NELFA: variants seen among roughly 807,000 people sequenced by gnomAD.
NELFA encodes the protein negative elongation factor complex member A.
In NELFA, 35 loss-of-function variants were observed where a neutral mutation model predicts 51.8. The observed-to-expected ratio is 0.68, with a 90% CI of 0.52 to 0.90. The LOEUF is 0.90. Ranked by LOEUF, NELFA falls within the 40% of genes least tolerant of loss-of-function variation. NELFA has a pLI of 0.00. For synonymous variants in NELFA, 417 were observed against 338.4 expected, an observed-to-expected ratio of 1.23 and a Z score of -2.55; for missense variants, 658 against 746.4, an observed-to-expected ratio of 0.88 and a Z score of 1.38.
chr4:1,990,429 G>T (rs1474696048), intron 2 of NELFA: 7 of 456,636 alleles, frequency 1.5e-5, no homozygotes, highest in African/African-American at 1.4e-4. Context: ...TGGAGAAAAA[G>T]CACAGGCAGG....
At chr4:1,993,140 C>G (rs1728324115) in intron 1 of NELFA, among the ~76,000 whole-genome samples, 1 of 152,212 alleles carries the variant, frequency 6.6e-6, no homozygotes, top group African/African-American at 2.4e-5. Flanking sequence ...AAGAGGCAAG[C>G]GCGCGGCATT....
At chr4:1,984,485 C>T (rs1345229057) in intron 8 of NELFA, among the ~76,000 whole-genome samples, 1 of 152,174 alleles carries the variant, frequency 6.6e-6, no homozygotes, top group Non-Finnish European at 1.5e-5. Flanking sequence ...GGGGATGGCT[C>T]TCAGCTCCCC....
chr4:2,006,077 G>A (rs147944799), intron 1 of NELFA, among the ~76,000 whole-genome samples: 6 of 152,308 alleles, frequency 3.9e-5, no homozygotes, highest in East Asian at 1.9e-4. Flanking sequence ...GGTTTGCTCC[G>A]TCCGCTAACA....
At chr4:2,007,585 G>A (rs1322775051) in intron 1 of NELFA, among the ~76,000 whole-genome samples, 1 of 152,124 alleles carries the variant, frequency 6.6e-6, no homozygotes, top group Non-Finnish European at 1.5e-5. Context: ...TGCCATTTAG[G>A]GGTGCATAAA....
intron 1 of NELFA, chr4:1,991,946 C>T: frequency 2.1e-6 from 1 of 469,034 alleles, no homozygotes; most frequent in South Asian, 3.0e-5. Context: ...CATCCGGTGC[C>T]CTCCCAGCAG....
chr4:2,008,275 G>A (rs1304859688), intron 1 of NELFA, among the ~76,000 whole-genome samples: 3 of 149,866 alleles, frequency 2.0e-5, no homozygotes, highest in African/African-American at 7.3e-5. Context: ...GGTGAGGACC[G>A]AAGGCGGGGG....
intron 1 of NELFA, among the ~76,000 whole-genome samples, chr4:1,995,213 T>G (rs1728390387): frequency 6.6e-6 from 1 of 152,246 alleles, no homozygotes; most frequent in African/African-American, 2.4e-5. Context: ...AGACTCTGGC[T>G]GAAACATCAG....
Position 1,983,266 on chromosome 4 carries a change from G to C in NELFA, c.*53C>G. On this transcript the variant is annotated 3_prime_UTR_variant, in exon 11 of 11. Transcript: ENST00000382882. ...CATCCGGTTACTTTAAGCTGGCAAAGCCATCGTCCCGTGGACCCCCACAAG... is the reference window on the plus strand; with the variant it reads ...CATCCGGTTACTTTAAGCTGGCAAACCCATCGTCCCGTGGACCCCCACAAG... 6.4e-7 allele frequency: 1 copy of C among 1,555,646 alleles called. No individual in the cohort carries two copies. Among genetic ancestry groups the C allele is most frequent in the East Asian group, 2.3e-5 (1 of 43,950 alleles).
intron 4 of NELFA, 116 bp from the exon 5 acceptor site, chr4:1,986,518 C>A: frequency 2.0e-6 from 3 of 1,520,932 alleles, no homozygotes; most frequent in East Asian, 2.4e-5. Flanking sequence ...AAGGGCCAAA[C>A]CCCTGGCGGG....
intron 1 of NELFA, chr4:1,992,570 C>T (rs989876937): frequency 1.6e-5 from 5 of 320,600 alleles, no homozygotes; most frequent in Admixed American, 4.0e-5. Context: ...GGGTGAACAA[C>T]AGCGCCCTGC....
intron 1 of NELFA, chr4:2,007,824 A>G (rs1416871392): frequency 8.2e-6 from 3 of 364,540 alleles, no homozygotes; most frequent in African/African-American, 2.1e-5. Flanking sequence ...AAAAGCAATT[A>G]CAACCTATAA....
intron 8 of NELFA, among the ~76,000 whole-genome samples, chr4:1,984,589 G>A (rs1411675923): frequency 6.6e-6 from 1 of 152,242 alleles, no homozygotes; most frequent in African/African-American, 2.4e-5. Flanking sequence ...GCCGCTGCCT[G>A]TCTGTGCCCA....
chr4:1,998,702 A>C lies in NELFA; in HGVS notation c.211-6987T>G, dbSNP rs181367953. Among the ~76,000 whole-genome samples the C allele has an allele frequency of 3.0e-3, 461 of 152,314 alleles. 3 individuals carry two copies. The highest frequency in any genetic ancestry group is 5.2e-3 in the Non-Finnish European group (357 of 68,032). On this transcript the variant is annotated intron_variant, in intron 1 of 10. Coordinates refer to ENST00000382882, the MANE Select transcript of NELFA (RefSeq NM_005663.5). Reference sequence around the variant, plus strand: ...TGGAGTACCAGAAGGAGACGGGGAGAATGGAAACAAGCTGGAAAACACACT... The same window carrying C: ...TGGAGTACCAGAAGGAGACGGGGAGCATGGAAACAAGCTGGAAAACACACT...
At chr4:1,993,530 A>T (rs1025000847) in intron 1 of NELFA, among the ~76,000 whole-genome samples, 6 of 151,192 alleles carry the variant, frequency 4.0e-5, no homozygotes, top group Non-Finnish European at 7.4e-5. Flanking sequence ...GTGAGCTGAG[A>T]TCGCACCATT....
chr4:1,983,772 AC>A, intron 9 of NELFA, 75 bp downstream of exon 9: 1 of 1,594,744 alleles, frequency 6.3e-7, no homozygotes, highest in Non-Finnish European at 8.6e-7. Context: ...GCACCGTGGC[AC>A]CCCCACGCTA....
Position 1,991,398 on chromosome 4 carries a change from G to T in NELFA, c.382+146C>A, listed in dbSNP as rs373037548. The T allele has an allele frequency of 1.1e-5, 9 of 784,144 alleles. No individual in the cohort carries two copies. In the African/African-American group the frequency reaches 1.4e-4, roughly 12 times the overall value. 48.6% of individuals were successfully genotyped at this position (784,144 alleles called of 1,614,324 possible). A position where few individuals can be genotyped will look rare whatever the true frequency, so the allele number is the denominator to read the frequency against. On this transcript the variant is annotated intron_variant, in intron 2 of 10. Transcript: ENST00000382882. ...AAGCCAGGCAGCAGCTTACGGGGGAGGATGGTGCATATACAGTTAATATTC... is the reference window on the plus strand; with the variant it reads ...AAGCCAGGCAGCAGCTTACGGGGGATGATGGTGCATATACAGTTAATATTC...
chr4:1,991,245 C>A lies in NELFA; in HGVS notation c.382+299G>T, dbSNP rs563664114. 2.0e-4 allele frequency among the ~76,000 whole-genome samples: 31 copies of A among 152,318 alleles called. No individual in the cohort carries two copies. The South Asian group carries it at 6.4e-3, about 32-fold the overall frequency. On this transcript the variant is annotated intron_variant, in intron 2 of 10. Transcript: ENST00000382882. ...GATCTACAGATACCACCTGAATGGG[C>A]AGAGCCCCTACCCTCACGGAGCCGA...
intron 1 of NELFA, among the ~76,000 whole-genome samples, chr4:2,002,658 G>T (rs1728611293): frequency 6.6e-6 from 1 of 152,184 alleles, no homozygotes; most frequent in Non-Finnish European, 1.5e-5. Context: ...AGTAAATGGT[G>T]CTGGGAAAAC....
In NELFA at chr4:2,008,774, G is replaced by A; in HGVS notation, c.186C>T (p.His62=). ...CCTCGTCCACCGTGCGGCGCGGGAG[G>A]TGCAGCGTCCCGAGTAGCAACTTGA... ...VKLKLLLGTL[H]LPRRTVDEMK... is the part of the protein sequence containing the mutation. Residue 62 remains histidine, a synonymous_variant, in exon 1 of 11, where the codon CAC becomes CAT. Coordinates refer to ENST00000382882, the MANE Select transcript of NELFA (RefSeq NM_005663.5). 1.2e-6 allele frequency: 2 copies of A among 1,611,442 alleles called. No homozygotes were observed. The highest frequency in any genetic ancestry group is 1.7e-6 in the Non-Finnish European group (2 of 1,179,072).
Sources: gnomAD v4.1 joint callset for allele counts (sites outside exome capture counted in the v4.1 genomes callset) on GRCh38, gnomAD v4.1.1 for gene constraint, MANE v1.5 for transcripts, NCBI Gene and HGNC (gene_info 2026-07-23, HGNC 2026-07-21) for gene names.